ZNF800: variants seen among roughly 807,000 people sequenced by gnomAD.
The protein encoded by ZNF800 is zinc finger protein 800.
A neutral mutation model predicts 59.5 loss-of-function variants in ZNF800; 13 were observed. That is an observed-to-expected ratio of 0.22 (90% confidence interval 0.14 to 0.35). ZNF800 has a LOEUF of 0.35. Ranked by LOEUF, ZNF800 falls within the 10% of genes least tolerant of loss-of-function variation. The pLI is 1.00. For synonymous variants in ZNF800, 266 were observed against 265.7 expected (o/e 1.00, Z -0.01); for missense variants, 621 against 783.7 (o/e 0.79, Z 2.48).
In ZNF800 at chr7:127,370,876, G is replaced by C. The variant is rs1286521162; in HGVS notation, c.*938C>G. On this transcript the variant is annotated 3_prime_UTR_variant, in exon 6 of 6. Transcript: ENST00000265827. ...AAAGTGGTCCTTTAAGATTTTTCTT[G>C]GGAGAAAAAAAAATCAGGGCTTACA... 6.6e-6 allele frequency: 1 copy of C among 152,096 alleles called. No homozygotes were observed. Among genetic ancestry groups the C allele is most frequent in the Non-Finnish European group, 1.5e-5 (1 of 67,866 alleles). The allele number at this position is 152,096 out of a possible 1,614,324, so 9.4% of individuals were successfully genotyped here.
intron 3 of ZNF800, among the ~76,000 whole-genome samples, chr7:127,380,969 T>A (rs1183040075): frequency 6.6e-6 from 1 of 152,228 alleles, no homozygotes; most frequent in Non-Finnish European, 1.5e-5. Flanking sequence ...CAAGGGTTTA[T>A]CTTGTGTTAT....
intron 3 of ZNF800, among the ~76,000 whole-genome samples, chr7:127,385,155 A>G (rs919639645): frequency 2.6e-5 from 4 of 152,230 alleles, no homozygotes; most frequent in African/African-American, 9.6e-5. Context: ...ATACAAAACA[A>G]GTAGTTACAT....
At chr7:127,376,173 A>C (rs1458058000) in intron 4 of ZNF800, among the ~76,000 whole-genome samples, 1 of 151,968 alleles carries the variant, frequency 6.6e-6, no homozygotes, top group African/African-American at 2.4e-5. Flanking sequence ...TTTCCAGGTA[A>C]ATATAAAATT....
At position 127,392,089 on chromosome 7, in the gene ZNF800, C is replaced by A. The variant is rs1361451448; in HGVS notation, c.-88G>T. 5.1e-6 allele frequency: 2 copies of A among 392,068 alleles called. No homozygotes were observed. The highest frequency in any genetic ancestry group is 3.6e-5 in the East Asian group (1 of 27,602). 24.3% of individuals were successfully genotyped at this position (392,068 alleles called of 1,614,324 possible). On this transcript the variant is annotated 5_prime_UTR_variant, in exon 1 of 6. Coordinates refer to ENST00000265827, the MANE Select transcript of ZNF800 (RefSeq NM_176814.5). Reference sequence around the variant, plus strand: ...CTCTTAGGGCGGGCCGGCGGGCGGGCGGAAGGAAGGAAGGCAGGCCGGGCG... The same window carrying A: ...CTCTTAGGGCGGGCCGGCGGGCGGGAGGAAGGAAGGAAGGCAGGCCGGGCG...
At chr7:127,353,859 C>A (rs1800218689) in intron 1 of ZNF800, among the ~76,000 whole-genome samples, 1 of 145,792 alleles carries the variant, frequency 6.9e-6, no homozygotes, top group Non-Finnish European at 1.5e-5. Flanking sequence ...AAAAAAAAAC[C>A]CAGAATGATC....
intron 1 of ZNF800, among the ~76,000 whole-genome samples, chr7:127,356,844 ATTCAGGTCTGTCAT>A (rs1377041042): frequency 2.6e-5 from 4 of 151,996 alleles, no homozygotes; most frequent in Non-Finnish European, 5.9e-5. Flanking sequence ...TCCTCTTCTA[ATTCAGGTCTGTCAT>A]TTCTACTATT....
At chr7:127,384,224 C>CTTGTTTTTTTTT (rs1189051908) in intron 3 of ZNF800, among the ~76,000 whole-genome samples, 1 of 59,242 alleles carries the variant, frequency 1.7e-5, no homozygotes, top group African/African-American at 6.1e-5. Context: ...CTAATTCTAA[C>CTTGTTTTTTTTT]TTCTTTTTTT....
At chr7:127,357,728 A>G (rs994179251) in intron 1 of ZNF800, among the ~76,000 whole-genome samples, 3 of 152,014 alleles carry the variant, frequency 2.0e-5, no homozygotes, top group African/African-American at 7.3e-5. Context: ...ACCTCTCTGA[A>G]TACAACACAT....
chr7:127,371,956 A>G, intron 5 of ZNF800, 142 bp from the exon 6 acceptor site: 1 of 587,880 alleles, frequency 1.7e-6, no homozygotes, highest in South Asian at 2.2e-5. Context: ...TGATAATCAA[A>G]CCACAACATT....
chr7:127,391,431 G>GA (rs1415419444), intron 2 of ZNF800, 66 bp downstream of exon 2: 8 of 1,516,250 alleles, frequency 5.3e-6, no homozygotes, highest in African/African-American at 1.4e-5. Context: ...AAAAAAGCTA[G>GA]AAAAAAAGAG....
chr7:127,348,569 C>G (rs1244713855), intron 1 of ZNF800, among the ~76,000 whole-genome samples: 1 of 152,094 alleles, frequency 6.6e-6, no homozygotes, highest in African/African-American at 2.4e-5. Context: ...AGAATTGATA[C>G]TATATGCAAT....
In ZNF800 at chr7:127,374,999, T is replaced by C. The variant is rs764399837; in HGVS notation, c.337A>G (p.Ile113Val). Residue 113 changes from isoleucine to valine, a missense_variant, in exon 5 of 6, where the codon ATA becomes GTA. By Grantham distance (29) the Ile-to-Val change is conservative. Around this residue, in one of 7 missense-constraint regions of ZNF800, gnomAD observed 218 missense variants for 230.8 expected, o/e 0.94. Coordinates refer to ENST00000265827, the MANE Select transcript of ZNF800 (RefSeq NM_176814.5). ...PDVNDKQSQAINDLLEAIYPS... is the reference protein window; with the variant it reads ...PDVNDKQSQAVNDLLEAIYPS... ...TATATGGCTTCTAGGAGATCATTTA[T>C]GGCTTGGCTTTGTTTATCATTTACA... The C allele has an allele frequency of 5.0e-6, 8 of 1,594,940 alleles. No homozygotes were observed. The highest frequency in any genetic ancestry group is 6.8e-6 in the Non-Finnish European group (8 of 1,172,156).
At chr7:127,349,706 G>A (rs1389136180) in intron 1 of ZNF800, 1 of 152,072 alleles carries the variant, frequency 6.6e-6, no homozygotes, top group Non-Finnish European at 1.5e-5. Context: ...TCCTCTTAAG[G>A]CCAAAAGTTT....
chr7:127,362,786 G>A (rs1452234579), intron 1 of ZNF800: 1 of 152,136 alleles, frequency 6.6e-6, no homozygotes, highest in Non-Finnish European at 1.5e-5. Flanking sequence ...ATTTGGCAGA[G>A]ACCTGAAAGA....
At chr7:127,364,846 G>A (rs918003116) in intron 1 of ZNF800, 8 of 152,096 alleles carry the variant, frequency 5.3e-5, no homozygotes, top group African/African-American at 1.9e-4. Flanking sequence ...ATATAAGCAA[G>A]ATCTGACTTT....
At chr7:127,352,051 TA>T (rs1355566067) in intron 1 of ZNF800, among the ~76,000 whole-genome samples, 2 of 152,178 alleles carry the variant, frequency 1.3e-5, no homozygotes, top group African/African-American at 4.8e-5. Flanking sequence ...CAAGATCACA[TA>T]CAGTCAAAGG....
intron 3 of ZNF800, among the ~76,000 whole-genome samples, chr7:127,379,844 A>ACCCCCCACCCCC (rs1800908520): frequency 7.2e-5 from 1 of 13,934 alleles, no homozygotes; most frequent in Non-Finnish European, 1.4e-4. Context: ...CCACCCCCCC[A>ACCCCCCACCCCC]CCCCCCCACC....
In ZNF800 at chr7:127,391,629, C is replaced by A; in HGVS notation, c.-58-14G>T. 1 of 1,427,116 alleles carries A rather than the reference C, an allele frequency of 7.0e-7. No individual in the cohort carries two copies. The highest frequency in any genetic ancestry group is 9.9e-7 in the Non-Finnish European group (1 of 1,011,592). The allele number at this position is 1,427,116 out of a possible 1,614,324, so 88.4% of individuals were successfully genotyped here. A position where few individuals can be genotyped will look rare whatever the true frequency, so the allele number is the denominator to read the frequency against. On this transcript the variant is annotated splice_polypyrimidine_tract_variant and intron_variant, in intron 1 of 5. Transcript: ENST00000265827. ...ATTGCGGCGTGGCTGTTGAAAGAAG[C>A]ACAAACCCGTCACTCGCCCTGAACT... is the stretch of plus-strand genomic sequence containing the variant.
chr7:127,343,777 A>C (rs895597062), downstream of ZNF800, among the ~76,000 whole-genome samples: 1 of 152,184 alleles, frequency 6.6e-6, no homozygotes, highest in East Asian at 1.9e-4. Flanking sequence ...AAAGGGAAAA[A>C]CCACCATTAT....
Sources: gnomAD v4.1 joint callset for allele counts (sites outside exome capture counted in the v4.1 genomes callset) on GRCh38, gnomAD v4.1.1 for gene constraint, gnomAD v4.1.1 regional missense constraint, MANE v1.5 for transcripts, NCBI Gene and HGNC (gene_info 2026-07-23, HGNC 2026-07-21) for gene names.